Variants in SEMA4B observed in about 807,000 individuals in gnomAD.
The protein encoded by SEMA4B is semaphorin 4B.
SEMA4B carries 55 observed loss-of-function variants against 88.1 expected under a neutral mutation model. The observed-to-expected ratio is 0.62, with a 90% CI of 0.50 to 0.78. SEMA4B has a LOEUF of 0.78. SEMA4B is among the 30% of genes least tolerant of loss of function. The pLI is 0.00. For missense variants in SEMA4B, 1,062 were observed against 1,111.9 expected, an observed-to-expected ratio of 0.96 and a Z score of 0.64; for synonymous variants, 525 against 473.6, an observed-to-expected ratio of 1.11 and a Z score of -1.41.
chr15:90,227,533 C>G, intron 12 of SEMA4B, 24 bp from the exon 13 acceptor site: 1 of 1,611,766 alleles, frequency 6.2e-7, no homozygotes, highest in Admixed American at 1.7e-5. Context: ...CCTGGCCAAT[C>G]CCAGAATTCT....
chr15:90,194,000 C>T (rs982445072), intron 1 of SEMA4B, among the ~76,000 whole-genome samples: 1 of 151,790 alleles, frequency 6.6e-6, no homozygotes, highest in Non-Finnish European at 1.5e-5. Context: ...TATAGGTGTG[C>T]ACCACCACGC....
chr15:90,187,372 C>A (rs1397934012), intron 1 of SEMA4B, among the ~76,000 whole-genome samples: 2 of 152,176 alleles, frequency 1.3e-5, no homozygotes, highest in Admixed American at 1.3e-4. Flanking sequence ...TGATTTGAGA[C>A]AGCTAGAGCA....
At position 90,201,343 on chromosome 15, in the gene SEMA4B, C is replaced by G. The variant is rs1285257006; in HGVS notation, c.-236C>G. On this transcript the variant is annotated 5_prime_UTR_variant, in exon 1 of 14. Coordinates refer to ENST00000411539, the MANE Select transcript of SEMA4B (RefSeq NM_198925.4). ...CCGCCCTCCGCCGCTTGCGGGTGAG[C>G]TCTGCCCAAGCCGAGGCTGCGGGGC... 8 of 1,222,696 alleles carry G rather than the reference C, an allele frequency of 6.5e-6. No individual in the cohort carries two copies. In the African/African-American group the frequency reaches 7.9e-5, roughly 12 times the overall value. 75.7% of individuals were successfully genotyped at this position (1,222,696 alleles called of 1,614,324 possible). A position where few individuals can be genotyped will look rare whatever the true frequency, so the allele number is the denominator to read the frequency against.
chr15:90,222,089 G>T (rs947217513), intron 7 of SEMA4B, among the ~76,000 whole-genome samples: 2 of 151,082 alleles, frequency 1.3e-5, no homozygotes, highest in Non-Finnish European at 3.0e-5. Flanking sequence ...ACAGGTGTGC[G>T]CCCCCATGCC....
intron 1 of SEMA4B, among the ~76,000 whole-genome samples, chr15:90,211,051 G>A (rs1449981552): frequency 6.6e-6 from 1 of 152,222 alleles, no homozygotes; most frequent in Non-Finnish European, 1.5e-5. Context: ...TGATGACCCC[G>A]ATTTCCTTGG....
At position 90,228,495 on chromosome 15, in the gene SEMA4B, C is replaced by T. The variant is rs1301855365; in HGVS notation, c.2366C>T (p.Ser789Phe). 3.1e-6 allele frequency: 5 copies of T among 1,611,148 alleles called. No homozygotes were observed. The highest frequency in any genetic ancestry group is 4.2e-6 in the Non-Finnish European group (5 of 1,179,164). The change falls in exon 14 of 14, where the codon TCC becomes TTC. Residue 789 changes from serine to phenylalanine, a missense_variant. Transcript: ENST00000411539. Reference sequence around the variant, plus strand: ...CCGCTCGATCACCGAGGGTACCAGTCCCTGTCAGACAGCCCCCCGGGGTCC... The same window carrying T: ...CCGCTCGATCACCGAGGGTACCAGTTCCTGTCAGACAGCCCCCCGGGGTCC... ...STPLDHRGYQ[S>F]LSDSPPGSRV...
At chr15:90,201,880 C>T (rs1960760556) in intron 1 of SEMA4B, 145 bp downstream of exon 1, 1 of 794,416 alleles carries the variant, frequency 1.3e-6, no homozygotes, top group Non-Finnish European at 1.8e-6. Context: ...TTTTTCAAGG[C>T]GCTGCGCGGA....
chr15:90,187,919 C>T (rs536507398), intron 1 of SEMA4B, among the ~76,000 whole-genome samples: 83 of 151,214 alleles, frequency 5.5e-4, no homozygotes, highest in Middle Eastern at 3.4e-3. Flanking sequence ...GCAAGAGAAT[C>T]GCTTGAACCC....
In SEMA4B at chr15:90,225,782, C is replaced by T. The variant is rs374862794; in HGVS notation, c.1643C>T (p.Ser548Phe). ...GACCCCTACTGTGCTTGGAGCGGCT[C>T]CAGCTGCAAGCACGTCAGCCTCTAC... is the stretch of plus-strand genomic sequence containing the variant. ...ARDPYCAWSG[S>F]SCKHVSLYQP... Residue 548 changes from serine to phenylalanine, a missense_variant, in exon 12 of 14, where the codon TCC (serine) becomes TTC (phenylalanine). Coordinates refer to ENST00000411539, the MANE Select transcript of SEMA4B (RefSeq NM_198925.4). The T allele has an allele frequency of 1.9e-6, 3 of 1,564,738 alleles. No homozygotes were observed. Among genetic ancestry groups the T allele is most frequent in the Non-Finnish European group, 2.6e-6 (3 of 1,156,076 alleles).
At chr15:90,191,486 G>A (rs1053042810) in intron 1 of SEMA4B, among the ~76,000 whole-genome samples, 9 of 152,192 alleles carry the variant, frequency 5.9e-5, no homozygotes, top group Non-Finnish European at 8.8e-5. Flanking sequence ...AGTGTTGCCC[G>A]TGGCTTTATA....
At position 90,192,586 on chromosome 15, in the gene SEMA4B, C is replaced by CTTTT. The variant is rs67328606; in HGVS notation, c.-122+7523_-122+7526dup. ...TCCCTTTATTTTCTTTCCCTTGTAG[C>CTTTT]TTTTTTTTTTTTTTTTTTTTTGAGA... On this transcript the variant is annotated intron_variant, in intron 1 of 14. Transcript: ENST00000332496. Among the ~76,000 whole-genome samples the CTTTT allele has an allele frequency of 5.0e-3, 444 of 88,650 alleles. 5 individuals carry two copies. Among genetic ancestry groups the CTTTT allele is most frequent in the African/African-American group, 0.019 (411 of 21,826 alleles). 58.2% of individuals were successfully genotyped at this position (88,650 alleles called of 152,430 possible). A position where few individuals can be genotyped will look rare whatever the true frequency, so the allele number is the denominator to read the frequency against.
chr15:90,200,252 G>A (rs1567044939), upstream of SEMA4B, among the ~76,000 whole-genome samples: 1 of 152,176 alleles, frequency 6.6e-6, no homozygotes, highest in Non-Finnish European at 1.5e-5. Flanking sequence ...TTTGGCTGGG[G>A]GTGAAGAGGA....
rs1231013197 is a variant in SEMA4B at position 90,201,537 on chromosome 15, C to A, written c.-42C>A. 3 of 1,412,410 alleles carry A rather than the reference C, an allele frequency of 2.1e-6. No homozygotes were observed. Among genetic ancestry groups the A allele is most frequent in the Non-Finnish European group, 2.8e-6 (3 of 1,087,690 alleles). 87.5% of individuals were successfully genotyped at this position (1,412,410 alleles called of 1,614,324 possible). A position where few individuals can be genotyped will look rare whatever the true frequency, so the allele number is the denominator to read the frequency against. On this transcript the variant is annotated 5_prime_UTR_variant, in exon 1 of 14. Coordinates refer to ENST00000411539, the MANE Select transcript of SEMA4B (RefSeq NM_198925.4). Reference sequence around the variant, plus strand: ...GCCGCCCGTGAGTCCGGCCGAGCCACCTGAGCCCGAGCCGCGGGACACCGT... The same window carrying A: ...GCCGCCCGTGAGTCCGGCCGAGCCAACTGAGCCCGAGCCGCGGGACACCGT...
intron 1 of SEMA4B, among the ~76,000 whole-genome samples, chr15:90,185,684 A>C (rs1003193143): frequency 1.3e-5 from 2 of 152,212 alleles, no homozygotes; most frequent in South Asian, 2.1e-4. Context: ...AGTTAAACAC[A>C]GGATTCCTCT....
intron 11 of SEMA4B, 59 bp downstream of exon 11, chr15:90,225,456 C>A (rs905586637): frequency 1.4e-6 from 2 of 1,445,814 alleles, no homozygotes; most frequent in South Asian, 1.2e-5. Context: ...CCATTAGCAC[C>A]AAGCAGTCCC....
chr15:90,210,966 T>C (rs1194287567), intron 1 of SEMA4B, among the ~76,000 whole-genome samples: 1 of 152,188 alleles, frequency 6.6e-6, no homozygotes, highest in Non-Finnish European at 1.5e-5. Context: ...AAAAACTGCT[T>C]TCTGACAGGT....
chr15:90,188,993 A>C (rs1401785012), intron 1 of SEMA4B, among the ~76,000 whole-genome samples: 1 of 152,186 alleles, frequency 6.6e-6, no homozygotes, highest in Non-Finnish European at 1.5e-5. Flanking sequence ...CTGAAAGAAC[A>C]GTTTAAAGGA....
At chr15:90,207,312 G>C (rs1961041097) in intron 1 of SEMA4B, among the ~76,000 whole-genome samples, 2 of 134,444 alleles carry the variant, frequency 1.5e-5, no homozygotes, top group Non-Finnish European at 3.2e-5. Flanking sequence ...GGGGGTTTCA[G>C]TGGGGATGGT....
At chr15:90,205,456 G>T (rs1960944324) in intron 1 of SEMA4B, among the ~76,000 whole-genome samples, 1 of 152,250 alleles carries the variant, frequency 6.6e-6, no homozygotes, top group African/African-American at 2.4e-5. Context: ...GATGCTCAGA[G>T]CCTGGCTTTG....
Sources: allele counts gnomAD v4.1 joint callset (sites outside exome capture counted in the v4.1 genomes callset), GRCh38; gene constraint gnomAD v4.1.1; transcripts MANE v1.5; gene names NCBI Gene and HGNC (gene_info 2026-07-23, HGNC 2026-07-21).